DPYD: variants seen among roughly 807,000 people sequenced by gnomAD.
The protein encoded by DPYD is dihydropyrimidine dehydrogenase.
A neutral mutation model predicts 116.2 loss-of-function variants in DPYD; 109 were observed. The ratio of observed to expected loss-of-function variants is 0.94; its 90% CI spans 0.80 to 1.10. The LOEUF is 1.10. Among genes scored for constraint, DPYD ranks in the 50% least tolerant of loss-of-function variants. The pLI is 0.00. For synonymous variants in DPYD, 440 were observed against 432.0 expected (o/e 1.02, Z -0.23); for missense variants, 1,302 against 1,254.5 (o/e 1.04, Z -0.57).
At chr1:97,863,338 AT>A (rs1225728637) in intron 2 of DPYD, among the ~76,000 whole-genome samples, 2 of 151,984 alleles carry the variant, frequency 1.3e-5, no homozygotes, top group Non-Finnish European at 2.9e-5. Context: ...TATTTGGGAG[AT>A]TATAAATTGG....
chr1:97,754,552 T>C (rs1665124545), intron 3 of DPYD, among the ~76,000 whole-genome samples: 1 of 152,242 alleles, frequency 6.6e-6, no homozygotes, highest in South Asian at 2.1e-4. Flanking sequence ...TGTGTTTGTG[T>C]TCTGCGGAAT....
At chr1:97,157,662 G>C (rs1431155734) in intron 20 of DPYD, among the ~76,000 whole-genome samples, 1 of 152,088 alleles carries the variant, frequency 6.6e-6, no homozygotes, top group Non-Finnish European at 1.5e-5. Flanking sequence ...AATTTCTCTA[G>C]ACTCAGGAAA....
At chr1:97,653,984 A>G (rs1658743504) in intron 8 of DPYD, among the ~76,000 whole-genome samples, 1 of 152,188 alleles carries the variant, frequency 6.6e-6, no homozygotes, top group South Asian at 2.1e-4. Flanking sequence ...TGTATCTAGC[A>G]GTGATCAATA....
chr1:97,720,931 G>A (rs1662887396), intron 5 of DPYD: 2 of 1,605,994 alleles, frequency 1.2e-6, no homozygotes. Context: ...CAAAGTCTAT[G>A]GGATAAACAG....
chr1:97,194,196 T>C (rs1658585769), intron 19 of DPYD, among the ~76,000 whole-genome samples: 1 of 152,174 alleles, frequency 6.6e-6, no homozygotes, highest in Non-Finnish European at 1.5e-5. Context: ...TCATCTTGAA[T>C]TGTAGTTCCC....
chr1:97,136,501 C>A (rs1410987813), intron 20 of DPYD, among the ~76,000 whole-genome samples: 1 of 152,070 alleles, frequency 6.6e-6, no homozygotes, highest in African/African-American at 2.4e-5. Context: ...TCCTTTTGGA[C>A]ACGTAATGAG....
At chr1:97,765,752 A>G (rs140641087) in intron 3 of DPYD, among the ~76,000 whole-genome samples, 2 of 152,332 alleles carry the variant, frequency 1.3e-5, no homozygotes, top group African/African-American at 4.8e-5. Flanking sequence ...AGTTGATGAA[A>G]GACTGTGTCT....
At chr1:97,516,693 A>G (rs547422674) in intron 12 of DPYD, among the ~76,000 whole-genome samples, 1 of 152,130 alleles carries the variant, frequency 6.6e-6, no homozygotes, top group African/African-American at 2.4e-5. Flanking sequence ...TAATAAAAAC[A>G]CTTACTCTTA....
At chr1:97,677,527 G>A (rs1234671585) in intron 8 of DPYD, among the ~76,000 whole-genome samples, 1 of 152,102 alleles carries the variant, frequency 6.6e-6, no homozygotes, top group Non-Finnish European at 1.5e-5. Flanking sequence ...CAAATGTAAT[G>A]TTGAAAAGTA....
intron 18 of DPYD, among the ~76,000 whole-genome samples, chr1:97,243,618 T>C (rs1286783442): frequency 6.6e-6 from 1 of 151,860 alleles, no homozygotes. Flanking sequence ...TTAATAATAA[T>C]AATTGTTATA....
chr1:97,171,218 T>C (rs760282087), intron 20 of DPYD, among the ~76,000 whole-genome samples: 2 of 152,116 alleles, frequency 1.3e-5, no homozygotes, highest in Non-Finnish European at 2.9e-5. Context: ...ACGATGGCAA[T>C]GTGGCTTGAT....
intron 16 of DPYD, chr1:97,322,854 A>G (rs1424790444): frequency 2.0e-5 from 3 of 152,010 alleles, no homozygotes; most frequent in Admixed American, 2.0e-4. Context: ...TCATTTTGTA[A>G]GACATACAGC....
intron 2 of DPYD, among the ~76,000 whole-genome samples, chr1:97,845,098 A>G (rs1432942155): frequency 6.6e-6 from 1 of 152,176 alleles, no homozygotes; most frequent in Non-Finnish European, 1.5e-5. Context: ...TGGGCACTGT[A>G]GATTACCTGA....
At chr1:97,435,369 G>T (rs1557709725) in intron 14 of DPYD, among the ~76,000 whole-genome samples, 1 of 151,832 alleles carries the variant, frequency 6.6e-6, no homozygotes, top group Non-Finnish European at 1.5e-5. Context: ...TTATTAAAAT[G>T]AAGACATATC....
intron 3 of DPYD, among the ~76,000 whole-genome samples, chr1:97,783,554 C>T (rs1386451377): frequency 6.6e-6 from 1 of 151,926 alleles, no homozygotes; most frequent in African/African-American, 2.4e-5. Context: ...ACCACCACAC[C>T]CAGCTAATTA....
chr1:97,141,806 G>A (rs1215287471), intron 20 of DPYD, among the ~76,000 whole-genome samples: 2 of 152,166 alleles, frequency 1.3e-5, no homozygotes, highest in African/African-American at 4.8e-5. Context: ...GATGGCAATA[G>A]ATGCCCAGAG....
At chr1:97,428,238 T>C (rs1674985011) in intron 14 of DPYD, among the ~76,000 whole-genome samples, 1 of 152,070 alleles carries the variant, frequency 6.6e-6, no homozygotes, top group African/African-American at 2.4e-5. Flanking sequence ...CATGAAAGGC[T>C]CTAGTTCTTC....
At chr1:97,525,008 A>G (rs1206472983) in intron 12 of DPYD, among the ~76,000 whole-genome samples, 4 of 152,176 alleles carry the variant, frequency 2.6e-5, no homozygotes, top group Non-Finnish European at 5.9e-5. Context: ...CAAAAACCTT[A>G]CAATCATTTG....
At chr1:97,778,557 C>A (rs541786827) in intron 3 of DPYD, among the ~76,000 whole-genome samples, 1 of 152,094 alleles carries the variant, frequency 6.6e-6, no homozygotes, top group Non-Finnish European at 1.5e-5. Context: ...GCATTCAATG[C>A]TACCAAAGTC....
Sources: gnomAD v4.1 joint callset for allele counts (sites outside exome capture counted in the v4.1 genomes callset) on GRCh38, gnomAD v4.1.1 for gene constraint, MANE v1.5 for transcripts, NCBI Gene and HGNC (gene_info 2026-07-23, HGNC 2026-07-21) for gene names.